PAX5: variants seen among roughly 807,000 people sequenced by gnomAD.
The protein encoded by PAX5 is paired box 5, also known as paired box protein Pax-5.
In PAX5, 9 loss-of-function variants were observed where a neutral mutation model predicts 43.7. The ratio of observed to expected loss-of-function variants is 0.21; its 90% CI spans 0.12 to 0.36. The LOEUF (loss-of-function observed/expected upper bound fraction) is 0.36, where lower values mean the gene tolerates loss of function less well. PAX5 is among the 10% of genes least tolerant of loss of function. The pLI, the probability that PAX5 is intolerant of heterozygous loss-of-function variation, is 1.00. For missense variants in PAX5, 383 were observed against 532.7 expected, an observed-to-expected ratio of 0.72 and a Z score of 2.77; for synonymous variants, 228 against 214.3, an observed-to-expected ratio of 1.06 and a Z score of -0.56.
At chr9:36,854,798 C>T (rs1161616046) in intron 8 of PAX5, among the ~76,000 whole-genome samples, 3 of 152,184 alleles carry the variant, frequency 2.0e-5, no homozygotes, top group South Asian at 2.1e-4. Flanking sequence ...AGGCCAGCCA[C>T]GAGGGCCTTC....
chr9:36,851,851 C>T (rs1456300268), intron 8 of PAX5, among the ~76,000 whole-genome samples: 1 of 152,146 alleles, frequency 6.6e-6, no homozygotes, highest in Admixed American at 6.5e-5. Context: ...AGGGCTGGTC[C>T]CCTTCTAGGC....
Position 36,840,508 on chromosome 9 carries a change from T to G in PAX5, c.*52A>C, listed in dbSNP as rs1203433742. 6.5e-7 allele frequency: 1 copy of G among 1,534,006 alleles called. No individual in the cohort carries two copies. Among genetic ancestry groups the G allele is most frequent in the Admixed American group, 2.0e-5 (1 of 51,104 alleles). ...GCTATCTTCAGGAGGGCTGGGTGGC[T>G]GTCACCCTCAATAGGTGCCATCAGT... On this transcript the variant is annotated 3_prime_UTR_variant, in exon 10 of 10. Coordinates refer to ENST00000358127, the MANE Select transcript of PAX5 (RefSeq NM_016734.3).
At chr9:36,916,198 C>T (rs997991171) in intron 7 of PAX5, among the ~76,000 whole-genome samples, 14 of 152,060 alleles carry the variant, frequency 9.2e-5, no homozygotes, top group Admixed American at 3.3e-4. Flanking sequence ...ATTGTCTCAA[C>T]GTCATTAACT....
At chr9:36,970,965 G>A (rs944957262) in intron 5 of PAX5, among the ~76,000 whole-genome samples, 4 of 152,200 alleles carry the variant, frequency 2.6e-5, no homozygotes, top group African/African-American at 9.7e-5. Context: ...TGGAATAAAT[G>A]AATGAATTGG....
intron 5 of PAX5, among the ~76,000 whole-genome samples, chr9:36,973,872 G>A (rs1291267148): frequency 1.3e-5 from 2 of 152,158 alleles, no homozygotes; most frequent in Non-Finnish European, 2.9e-5. Context: ...CAGGTGTGGT[G>A]GCACATGCCT....
At chr9:36,980,627 A>C (rs117379016) in intron 5 of PAX5, among the ~76,000 whole-genome samples, 144 of 152,320 alleles carry the variant, frequency 9.5e-4, no homozygotes, top group Middle Eastern at 3.4e-3. Context: ...GAGGAGGGTC[A>C]TACAGTCTAA....
At chr9:36,938,134 G>C (rs1420674615) in intron 6 of PAX5, among the ~76,000 whole-genome samples, 8 of 152,134 alleles carry the variant, frequency 5.3e-5, no homozygotes. Flanking sequence ...GTTTCTGCTT[G>C]TATGCCTTTT....
At chr9:36,889,597 A>G (rs1827194521) in intron 7 of PAX5, among the ~76,000 whole-genome samples, 1 of 152,214 alleles carries the variant, frequency 6.6e-6, no homozygotes, top group African/African-American at 2.4e-5. Flanking sequence ...TTCTGGCACC[A>G]GATGCCTTCA....
At chr9:36,971,150 A>T (rs1021366380) in intron 5 of PAX5, among the ~76,000 whole-genome samples, 4 of 152,216 alleles carry the variant, frequency 2.6e-5, no homozygotes, top group Non-Finnish European at 5.9e-5. Flanking sequence ...GTCCTCATGG[A>T]GTTATGTCCA....
intron 8 of PAX5, among the ~76,000 whole-genome samples, chr9:36,851,186 C>A (rs7865556): frequency 0.65 from 98,783 of 152,038 alleles, 32,648 homozygotes; most frequent in South Asian, 0.72. Context: ...ACTGGAAGAA[C>A]AAAACTACCT....
At chr9:36,875,687 C>A (rs1354499937) in intron 8 of PAX5, among the ~76,000 whole-genome samples, 1 of 152,042 alleles carries the variant, frequency 6.6e-6, no homozygotes, top group East Asian at 1.9e-4. Flanking sequence ...CAGGTGGGTC[C>A]AAGGGAAACA....
rs1384669693 is a variant in PAX5 at position 36,954,742 on chromosome 9, C to T, written c.780+11807G>A. Among the ~76,000 whole-genome samples, 3 of 152,126 alleles carry T rather than the reference C, an allele frequency of 2.0e-5. 1 individual carries two copies. The highest frequency in any genetic ancestry group is 2.0e-4 in the Admixed American group (3 of 15,274). ...AGTATGCTTCTTCAATCTAATGATACATGTTTCTTGCAACAGTTTTGTTTC... is the reference window on the plus strand; with the variant it reads ...AGTATGCTTCTTCAATCTAATGATATATGTTTCTTGCAACAGTTTTGTTTC... On this transcript the variant is annotated intron_variant, in intron 6 of 9. Transcript: ENST00000358127.
intron 7 of PAX5, among the ~76,000 whole-genome samples, chr9:36,883,328 A>C (rs1297254557): frequency 6.6e-6 from 1 of 152,210 alleles, no homozygotes; most frequent in Non-Finnish European, 1.5e-5. Context: ...AAGCCAGATA[A>C]AAATCTATAA....
In PAX5 at chr9:36,837,007, C is replaced by T. The variant is rs769522649; in HGVS notation, c.*3553G>A. On this transcript the variant is annotated 3_prime_UTR_variant, in exon 10 of 10. Coordinates refer to ENST00000358127, the MANE Select transcript of PAX5 (RefSeq NM_016734.3). Reference sequence around the variant, plus strand: ...TTTCAATGTTCTTAGGAAACAAAGCCGCCAACCTGCAGGCCCCTAGGTCAG... The same window carrying T: ...TTTCAATGTTCTTAGGAAACAAAGCTGCCAACCTGCAGGCCCCTAGGTCAG... 1.6e-4 allele frequency: 37 copies of T among 232,756 alleles called. No homozygotes were observed. The highest frequency in any genetic ancestry group is 2.5e-4 in the Non-Finnish European group (29 of 117,852). 14.4% of individuals were successfully genotyped at this position (232,756 alleles called of 1,614,324 possible).
chr9:36,975,394 T>G lies in PAX5; in HGVS notation c.605-8670A>C, dbSNP rs191182370. Among the ~76,000 whole-genome samples the G allele has an allele frequency of 4.5e-3, 677 of 151,692 alleles. 8 individuals are homozygous for G. Among genetic ancestry groups the G allele is most frequent in the African/African-American group, 0.015 (623 of 41,388 alleles). ...TGATATTTGAGCAATTTCTTTTTTTTTTGTTTTTTGAGACGGAGTCTTGCT... is the reference window on the plus strand; with the variant it reads ...TGATATTTGAGCAATTTCTTTTTTTGTTGTTTTTTGAGACGGAGTCTTGCT... On this transcript the variant is annotated intron_variant, in intron 5 of 9. Coordinates refer to ENST00000358127, the MANE Select transcript of PAX5 (RefSeq NM_016734.3).
Position 36,835,053 on chromosome 9 carries a change from G to A in PAX5, c.*5507C>T, listed in dbSNP as rs1228903348. On this transcript the variant is annotated 3_prime_UTR_variant, in exon 10 of 10. Coordinates refer to ENST00000358127, the MANE Select transcript of PAX5 (RefSeq NM_016734.3). Reference sequence around the variant, plus strand: ...CTGCCACAGGCCAAGTACCCTACCTGAGACGACTCCTTTGAGGCTTTGCTG... The same window carrying A: ...CTGCCACAGGCCAAGTACCCTACCTAAGACGACTCCTTTGAGGCTTTGCTG... The A allele has an allele frequency of 1.3e-5, 3 of 233,380 alleles. No individual in the cohort carries two copies. The highest frequency in any genetic ancestry group is 2.5e-5 in the Non-Finnish European group (3 of 118,086). The allele number at this position is 233,380 out of a possible 1,614,324, so 14.5% of individuals were successfully genotyped here. A position where few individuals can be genotyped will look rare whatever the true frequency, so the allele number is the denominator to read the frequency against.
intron 5 of PAX5, among the ~76,000 whole-genome samples, chr9:36,976,646 T>A (rs12115713): frequency 0.74 from 112,577 of 151,866 alleles, 42,197 homozygotes; most frequent in South Asian, 0.88. Flanking sequence ...TGGAGGAAAA[T>A]TTCCACTGAA....
At chr9:36,900,557 G>A (rs1828287600) in intron 7 of PAX5, among the ~76,000 whole-genome samples, 1 of 152,180 alleles carries the variant, frequency 6.6e-6, no homozygotes, top group Admixed American at 6.5e-5. Context: ...GTGAAGTCCT[G>A]TGACTGCTAC....
intron 6 of PAX5, among the ~76,000 whole-genome samples, chr9:36,936,947 CA>C (rs1468035668): frequency 6.6e-6 from 1 of 152,184 alleles, no homozygotes; most frequent in Non-Finnish European, 1.5e-5. Flanking sequence ...TGATGCTCTG[CA>C]AAGGCATACC....
Sources: allele counts gnomAD v4.1 joint callset (sites outside exome capture counted in the v4.1 genomes callset), GRCh38; gene constraint gnomAD v4.1.1; transcripts MANE v1.5; gene names NCBI Gene and HGNC (gene_info 2026-07-23, HGNC 2026-07-21).